The following ZFYVE16 variants were observed in gnomAD, a reference collection of about 807,000 sequenced individuals.
ZFYVE16 encodes zinc finger FYVE domain-containing protein 16.
Under a neutral mutation model 138.1 loss-of-function variants are expected in ZFYVE16, and 89 were observed. The ratio of observed to expected loss-of-function variants is 0.64; its 90% CI spans 0.54 to 0.77. The LOEUF is 0.77. ZFYVE16 is among the 30% of genes least tolerant of loss of function. The probability of loss-of-function intolerance (pLI) is 0.00; values close to 1 mark genes in which losing one functional copy is unlikely to be tolerated. For synonymous variants in ZFYVE16, 596 were observed against 618.3 expected, an observed-to-expected ratio of 0.96 and a Z score of 0.53; for missense variants, 1,793 against 1,786.7, an observed-to-expected ratio of 1.00 and a Z score of -0.06.
intron 1 of ZFYVE16, among the ~76,000 whole-genome samples, chr5:80,411,131 C>T (rs1415049133): frequency 1.1e-5 from 1 of 92,126 alleles, no homozygotes; most frequent in Admixed American, 1.5e-4. Flanking sequence ...CCACGCCCAG[C>T]TAATTTTTTT....
At chr5:80,463,082 A>T (rs1265557880) in intron 15 of ZFYVE16, among the ~76,000 whole-genome samples, 2 of 152,174 alleles carry the variant, frequency 1.3e-5, no homozygotes, top group South Asian at 2.1e-4. Flanking sequence ...CTGTTGGTGG[A>T]TCTACCATTC....
chr5:80,417,481 T>G (rs938895960), intron 1 of ZFYVE16, among the ~76,000 whole-genome samples: 5 of 152,230 alleles, frequency 3.3e-5, no homozygotes, highest in African/African-American at 9.6e-5. Flanking sequence ...AAGTCTGTGC[T>G]TCACATATCC....
rs746128968 is a variant in ZFYVE16 at position 80,451,634 on chromosome 5, A to G, written c.3532A>G (p.Ile1178Val). 3 of 1,613,930 alleles carry G rather than the reference A, an allele frequency of 1.9e-6. No homozygotes were observed. Among genetic ancestry groups the G allele is most frequent in the Non-Finnish European group, 2.5e-6 (3 of 1,179,922 alleles). The change falls in exon 11 of 19, where the codon ATC (isoleucine) becomes GTC (valine). Residue 1178 changes from isoleucine (I) to valine (V), a missense_variant. Ile to Val is a conservative substitution (Grantham distance 29). Around this residue, in one of 2 missense-constraint regions of ZFYVE16, gnomAD observed 498 missense variants for 582.4 expected, o/e 0.86. Transcript: ENST00000505560. ...TAATCCTTTTCTTTGTGGAATTCTT[A>G]TCCAGAAGCTTGAGATTCCCTGGGC... ...PSNPFLCGIL[I>V]QKLEIPWAKV...
chr5:80,434,742 AT>A (rs1749630310), intron 3 of ZFYVE16, among the ~76,000 whole-genome samples: 1 of 152,148 alleles, frequency 6.6e-6, no homozygotes. Flanking sequence ...AAATGTTGGG[AT>A]TATAGGCATG....
rs6895542 is a variant in ZFYVE16, at chr5:80,432,784, T to C, written c.-39-1325T>C. ...ACCCCATCAACAAGTGGGCGAAGGA[T>C]ATGAACAGACACTTCTCAAAAGAAG... is the stretch of plus-strand genomic sequence containing the variant. On this transcript the variant is annotated intron_variant, in intron 2 of 18. Coordinates refer to ENST00000505560, the MANE Select transcript of ZFYVE16 (RefSeq NM_001284236.3). Among the ~76,000 whole-genome samples, 951 of 152,234 alleles carry C rather than the reference T, an allele frequency of 6.2e-3. 10 individuals are homozygous for C. Among genetic ancestry groups the C allele is most frequent in the African/African-American group, 0.021 (879 of 41,534 alleles).
chr5:80,430,500 T>C (rs1169732184), intron 2 of ZFYVE16, among the ~76,000 whole-genome samples: 1 of 151,752 alleles, frequency 6.6e-6, no homozygotes. Flanking sequence ...AGATCTAAAA[T>C]TGACACCCTA....
At chr5:80,442,970 A>G in intron 5 of ZFYVE16, 153 bp from the exon 6 acceptor site, 1 of 686,626 alleles carries the variant, frequency 1.5e-6, no homozygotes, top group African/African-American at 1.9e-5. Context: ...GGCTACTCAG[A>G]CAGTATCTTT....
chr5:80,432,053 A>G (rs1415241229), intron 2 of ZFYVE16, among the ~76,000 whole-genome samples: 1 of 152,216 alleles, frequency 6.6e-6, no homozygotes, highest in Non-Finnish European at 1.5e-5. Context: ...CAAGCTACCA[A>G]TGACTTTCTT....
At chr5:80,455,904 T>G in intron 12 of ZFYVE16, 130 bp downstream of exon 12, 1 of 794,456 alleles carries the variant, frequency 1.3e-6, no homozygotes, top group Non-Finnish European at 1.9e-6. Flanking sequence ...TCATTTACAA[T>G]AAATCCTAAT....
intron 1 of ZFYVE16, chr5:80,411,868 T>C (rs1279485407): frequency 6.6e-6 from 1 of 152,282 alleles, no homozygotes; most frequent in Non-Finnish European, 1.5e-5. Flanking sequence ...CCATCTACCC[T>C]AGCCACTCAT....
At chr5:80,426,516 A>G (rs192222960) in intron 1 of ZFYVE16, among the ~76,000 whole-genome samples, 1 of 142,700 alleles carries the variant, frequency 7.0e-6, no homozygotes, top group East Asian at 2.0e-4. Context: ...CTCATTGTTC[A>G]CCTCCCACTT....
intron 1 of ZFYVE16, among the ~76,000 whole-genome samples, chr5:80,426,412 A>G (rs1423859687): frequency 6.6e-6 from 1 of 151,896 alleles, no homozygotes; most frequent in Non-Finnish European, 1.5e-5. Context: ...TAAGCCCCAC[A>G]TGCATTATTT....
At chr5:80,410,585 T>C (rs1419359077) in intron 1 of ZFYVE16, among the ~76,000 whole-genome samples, 29 of 151,746 alleles carry the variant, frequency 1.9e-4, no homozygotes, top group Admixed American at 1.9e-3. Flanking sequence ...GTTTGTTTGT[T>C]TTTTAAGACA....
At chr5:80,440,537 T>G in intron 5 of ZFYVE16, 1 of 985,346 alleles carries the variant, frequency 1.0e-6, no homozygotes, top group South Asian at 4.7e-5. Context: ...CATTTTTGTC[T>G]CATGTTTTTT....
chr5:80,425,524 T>G (rs1020056949), intron 1 of ZFYVE16, among the ~76,000 whole-genome samples: 3 of 152,224 alleles, frequency 2.0e-5, no homozygotes, highest in African/African-American at 7.2e-5. Flanking sequence ...TATTACAAAT[T>G]TGTATAGTTT....
In ZFYVE16 at chr5:80,436,857, A is replaced by G. The variant is rs1298118888; in HGVS notation, c.172A>G (p.Lys58Glu). 7 of 1,614,156 alleles carry G rather than the reference A, an allele frequency of 4.3e-6. No homozygotes were observed. The highest frequency in any genetic ancestry group is 1.7e-5 in the Admixed American group (1 of 60,018). ...CTCACAGCGAACTTCATTGCTCCCAAAAGACCAAGAGTGCGTTAATAGTTG... is the reference window on the plus strand; with the variant it reads ...CTCACAGCGAACTTCATTGCTCCCAGAAGACCAAGAGTGCGTTAATAGTTG... ...ASSQRTSLLP[K>E]DQECVNSCAS... Residue 58 changes from lysine to glutamate, a missense_variant, in exon 4 of 19, where the codon AAA becomes GAA. Lys to Glu is a moderately conservative substitution (Grantham distance 56). This residue lies in a region of ZFYVE16 where 1,295 missense variants were observed against 1,204.3 expected (regional missense o/e 1.08). Transcript: ENST00000505560.
At chr5:80,413,443 C>G (rs1745744001) in intron 1 of ZFYVE16, among the ~76,000 whole-genome samples, 1 of 135,958 alleles carries the variant, frequency 7.4e-6, no homozygotes, top group Non-Finnish European at 1.5e-5. Context: ...TGCACTCCAG[C>G]TTGGGCAACA....
At chr5:80,465,095 C>A (rs1050118153) in intron 15 of ZFYVE16, among the ~76,000 whole-genome samples, 1 of 151,940 alleles carries the variant, frequency 6.6e-6, no homozygotes, top group East Asian at 1.9e-4. Flanking sequence ...CATTTATGTT[C>A]TTATATATTA....
chr5:80,460,806 T>C (rs1251974968), intron 15 of ZFYVE16, among the ~76,000 whole-genome samples: 1 of 152,166 alleles, frequency 6.6e-6, no homozygotes, highest in Non-Finnish European at 1.5e-5. Context: ...TTTATTATCA[T>C]TGTAAACATT....
Sources: allele counts gnomAD v4.1 joint callset (sites outside exome capture counted in the v4.1 genomes callset), GRCh38; gene constraint gnomAD v4.1.1; regional missense constraint gnomAD v4.1.1; transcripts MANE v1.5; gene names NCBI Gene and HGNC (gene_info 2026-07-23, HGNC 2026-07-21).